Variants in PPARG observed in about 807,000 individuals in gnomAD.
The protein encoded by PPARG is peroxisome proliferator activated receptor gamma.
A neutral mutation model predicts 39.2 loss-of-function variants in PPARG; 17 were observed. The ratio of observed to expected loss-of-function variants is 0.43; its 90% CI spans 0.30 to 0.65. PPARG has a LOEUF of 0.65. Among genes scored for constraint, PPARG ranks in the 30% least tolerant of loss-of-function variants. The pLI is 0.13. For missense variants in PPARG, 406 were observed against 585.9 expected, an observed-to-expected ratio of 0.69 and a Z score of 3.17; for synonymous variants, 223 against 215.7, an observed-to-expected ratio of 1.03 and a Z score of -0.30.
intron 2 of PPARG, among the ~76,000 whole-genome samples, chr3:12,354,493 C>A (rs1343016133): frequency 4.0e-5 from 6 of 151,892 alleles, no homozygotes; most frequent in Non-Finnish European, 8.8e-5. Flanking sequence ...CATCTGTAAT[C>A]CCACAACTTT....
At chr3:12,409,971 C>T (rs534024480) in intron 6 of PPARG, among the ~76,000 whole-genome samples, 1 of 152,294 alleles carries the variant, frequency 6.6e-6, no homozygotes, top group African/African-American at 2.4e-5. Context: ...CCCCTGCTCC[C>T]CTTCTACCAA....
chr3:12,416,254 C>G (rs1452264414), intron 6 of PPARG, among the ~76,000 whole-genome samples: 1 of 152,182 alleles, frequency 6.6e-6, no homozygotes, highest in Non-Finnish European at 1.5e-5. Flanking sequence ...CAGTGCATGC[C>G]AGTAATCCCA....
At chr3:12,300,298 G>T (rs2046894165) in intron 1 of PPARG, among the ~76,000 whole-genome samples, 1 of 152,142 alleles carries the variant, frequency 6.6e-6, no homozygotes, top group African/African-American at 2.4e-5. Flanking sequence ...GTGAGACATA[G>T]CAGTATCTGG....
intron 2 of PPARG, chr3:12,351,557 A>G: frequency 6.9e-7 from 1 of 1,456,476 alleles, no homozygotes. Flanking sequence ...ACAAAATATC[A>G]GTGTGAATTA....
At chr3:12,352,816 C>T (rs1174222955) in intron 2 of PPARG, among the ~76,000 whole-genome samples, 1 of 152,170 alleles carries the variant, frequency 6.6e-6, no homozygotes, top group Non-Finnish European at 1.5e-5. Flanking sequence ...GTATTTCTAT[C>T]ATCTAAGCCT....
At position 12,417,265 on chromosome 3, in the gene PPARG, T is replaced by C. The variant is rs573149293; in HGVS notation, c.1180+111T>C. 8.4e-6 allele frequency: 9 copies of C among 1,077,540 alleles called. 1 individual carries two copies. In the South Asian group the frequency reaches 1.1e-4, roughly 13 times the overall value. The allele number at this position is 1,077,540 out of a possible 1,614,324, so 66.7% of individuals were successfully genotyped here. On this transcript the variant is annotated intron_variant, in intron 7 of 7. Coordinates refer to ENST00000651735, the MANE Select transcript of PPARG (RefSeq NM_138711.6). ...TCTGCATTGTCACTTTAAGTGCCAG[T>C]GGCATGATGCCATGAATCATCACTA... is the stretch of plus-strand genomic sequence containing the variant.
At chr3:12,350,482 GCCTTCTAATATACTGCCCTGTGT>G (rs1323376187) in intron 2 of PPARG, among the ~76,000 whole-genome samples, 4 of 152,122 alleles carry the variant, frequency 2.6e-5, no homozygotes, top group Non-Finnish European at 5.9e-5. Flanking sequence ...GAGAATTATT[GCCTTCTAATATACTGCCCTGTGT>G]GGGGGCGTCT....
chr3:12,360,290 T>C (rs1010554222), intron 2 of PPARG, among the ~76,000 whole-genome samples: 1 of 152,156 alleles, frequency 6.6e-6, no homozygotes, highest in African/African-American at 2.4e-5. Flanking sequence ...GGATTACAGA[T>C]GTGAGCCACC....
intron 4 of PPARG, among the ~76,000 whole-genome samples, chr3:12,381,931 T>C (rs1174480709): frequency 6.6e-6 from 1 of 152,194 alleles, no homozygotes; most frequent in Non-Finnish European, 1.5e-5. Flanking sequence ...TTTATTTATT[T>C]ATTTATTTAT....
At chr3:12,308,022 C>A (rs1425216891) in intron 1 of PPARG, among the ~76,000 whole-genome samples, 1 of 151,954 alleles carries the variant, frequency 6.6e-6, no homozygotes, top group African/African-American at 2.4e-5. Flanking sequence ...TAGAAAAGCT[C>A]AGAAAGCAGG....
chr3:12,334,477 C>T (rs780435685), intron 2 of PPARG, among the ~76,000 whole-genome samples: 4 of 152,062 alleles, frequency 2.6e-5, no homozygotes, highest in Non-Finnish European at 4.4e-5. Context: ...GTGGTCCACC[C>T]TCCTCGGCCT....
At chr3:12,302,783 C>T (rs1230881171) in intron 1 of PPARG, among the ~76,000 whole-genome samples, 3 of 151,962 alleles carry the variant, frequency 2.0e-5, no homozygotes, top group East Asian at 1.9e-4. Context: ...GATTCCATAT[C>T]GTAAGAAGAG....
At chr3:12,348,859 T>C (rs1261013050) in intron 2 of PPARG, among the ~76,000 whole-genome samples, 2 of 152,204 alleles carry the variant, frequency 1.3e-5, no homozygotes, top group Non-Finnish European at 2.9e-5. Context: ...TAAGATCTTA[T>C]CATGTAAATC....
intron 2 of PPARG, among the ~76,000 whole-genome samples, chr3:12,326,962 A>G (rs943228594): frequency 6.6e-6 from 1 of 152,222 alleles, no homozygotes; most frequent in African/African-American, 2.4e-5. Flanking sequence ...AACTTGAAAT[A>G]AGATTTTGAT....
intron 5 of PPARG, among the ~76,000 whole-genome samples, chr3:12,395,112 ATGT>A (rs1273598802): frequency 6.6e-6 from 1 of 152,218 alleles, no homozygotes; most frequent in East Asian, 1.9e-4. Context: ...GCTCTTGCTA[ATGT>A]TGTTGGATAG....
rs4135325 is a variant in PPARG, at chr3:12,383,786, G to A, written c.390+2295G>A. Among the ~76,000 whole-genome samples the A allele has an allele frequency of 5.8e-3, 885 of 152,160 alleles. 10 individuals are homozygous for A. Among genetic ancestry groups the A allele is most frequent in the African/African-American group, 0.019 (807 of 41,524 alleles). On this transcript the variant is annotated intron_variant, in intron 4 of 7. Transcript: ENST00000651735. ...AGAACATTGTCAGTAGTTGGTTATAGTGATAAATCTGAGTTCTGAGGGCAC... is the reference window on the plus strand; with the variant it reads ...AGAACATTGTCAGTAGTTGGTTATAATGATAAATCTGAGTTCTGAGGGCAC...
intron 3 of PPARG, among the ~76,000 whole-genome samples, chr3:12,380,291 C>G (rs2049593915): frequency 6.6e-6 from 1 of 152,168 alleles, no homozygotes; most frequent in Non-Finnish European, 1.5e-5. Context: ...TAATAAGTAA[C>G]AATTCCAAGT....
chr3:12,406,434 A>C, intron 6 of PPARG: 1 of 325,294 alleles, frequency 3.1e-6, no homozygotes, highest in Non-Finnish European at 5.9e-6. Flanking sequence ...ATATTCATTC[A>C]AGCAGCCTTG....
Position 12,369,417 on chromosome 3 carries a change from G to A in PPARG, c.-8-10287G>A, listed in dbSNP as rs375980257. Among the ~76,000 whole-genome samples the A allele has an allele frequency of 1.2e-4, 19 of 152,174 alleles. No individual in the cohort carries two copies. The South Asian group carries it at 3.5e-3, about 28-fold the overall frequency. On this transcript the variant is annotated intron_variant, in intron 2 of 7. Transcript: ENST00000651735. Reference sequence around the variant, plus strand: ...TGAAGTTGGAGGATTTCTCGAGCCCGGGAGTTTGAGGCTACAGTGAGCTGT... The same window carrying A: ...TGAAGTTGGAGGATTTCTCGAGCCCAGGAGTTTGAGGCTACAGTGAGCTGT...
Sources: gnomAD v4.1 joint callset for allele counts (sites outside exome capture counted in the v4.1 genomes callset) on GRCh38, gnomAD v4.1.1 for gene constraint, MANE v1.5 for transcripts, NCBI Gene and HGNC (gene_info 2026-07-23, HGNC 2026-07-21) for gene names.